AATK: variants seen among roughly 807,000 people sequenced by gnomAD.
AATK encodes lemur tail kinase 1, also known as serine/threonine-protein kinase LMTK1.
AATK carries 91 observed loss-of-function variants against 114.3 expected under a neutral mutation model. The observed-to-expected ratio is 0.80, with a 90% CI of 0.67 to 0.95. AATK has a LOEUF of 0.95. Ranked by LOEUF, AATK falls within the 40% of genes least tolerant of loss-of-function variation. The pLI is 0.00. For synonymous variants in AATK, 1,075 were observed against 916.5 expected (o/e 1.17, Z -3.12); for missense variants, 2,176 against 1,965.2 (o/e 1.11, Z -2.03).
rs2060716528 is a variant in AATK at position 81,122,827 on chromosome 17, CGAG to C, written c.1113-7_1113-5del. On this transcript the variant is annotated splice_polypyrimidine_tract_variant and splice_region_variant and intron_variant, in intron 10 of 13. Coordinates refer to ENST00000326724, the MANE Select transcript of AATK (RefSeq NM_001080395.3). ...GCAGAACTGCATCACCTCGTACCTG[CGAG>C]GAGGTCCCCCGGGGGCCACGTCAGA... 1 of 1,519,464 alleles carries C rather than the reference CGAG, an allele frequency of 6.6e-7. No homozygotes were observed. Among genetic ancestry groups the C allele is most frequent in the Non-Finnish European group, 8.9e-7 (1 of 1,129,394 alleles). 94.1% of individuals were successfully genotyped at this position (1,519,464 alleles called of 1,614,324 possible).
intron 2 of AATK, chr17:81,132,756 TC>T: frequency 4.2e-6 from 1 of 236,094 alleles, no homozygotes; most frequent in Non-Finnish European, 9.0e-6. Context: ...TCAGCACAGC[TC>T]CCCACCAGGG....
intron 13 of AATK, among the ~76,000 whole-genome samples, chr17:81,118,648 C>G (rs951999431): frequency 6.6e-6 from 1 of 152,238 alleles, no homozygotes; most frequent in African/African-American, 2.4e-5. Flanking sequence ...GCAAATGCCT[C>G]CGAGTCCTGT....
chr17:81,134,560 C>T, intron 1 of AATK, 59 bp from the exon 2 acceptor site: 2 of 1,568,818 alleles, frequency 1.3e-6, no homozygotes, highest in South Asian at 2.3e-5. Flanking sequence ...GGCCCCTGCC[C>T]CTGCTCTGGG....
chr17:81,123,072 A>AGAGGGGAGGGGAGACCAGG, intron 10 of AATK, 122 bp downstream of exon 10: 1 of 1,161,530 alleles, frequency 8.6e-7, no homozygotes, highest in African/African-American at 1.6e-5. Flanking sequence ...AGGCCCTACC[A>AGAGGGGAGGGGAGACCAGG]GAGGGGAGGG....
At chr17:81,150,729 G>A (rs2061284054) in intron 1 of AATK, among the ~76,000 whole-genome samples, 1 of 152,170 alleles carries the variant, frequency 6.6e-6, no homozygotes, top group Non-Finnish European at 1.5e-5. Flanking sequence ...GCGGGCTCTG[G>A]CCCCTAAGGC....
At chr17:81,130,977 T>A in intron 3 of AATK, 84 bp downstream of exon 3, 2 of 1,471,208 alleles carry the variant, frequency 1.4e-6, no homozygotes, top group Non-Finnish European at 1.8e-6. Flanking sequence ...CAGAGCTGAG[T>A]CTTCCGGTCT....
At chr17:81,146,094 C>T (rs1366901653) in intron 1 of AATK, among the ~76,000 whole-genome samples, 1 of 150,550 alleles carries the variant, frequency 6.6e-6, no homozygotes, top group Non-Finnish European at 1.5e-5. Context: ...GAGGCTGAGG[C>T]AGGAGAATGA....
chr17:81,157,843 G>A (rs992993350), intron 1 of AATK, among the ~76,000 whole-genome samples: 1 of 152,158 alleles, frequency 6.6e-6, no homozygotes, highest in Non-Finnish European at 1.5e-5. Flanking sequence ...CTTCGCTCCT[G>A]GCCTGTCTCT....
intron 1 of AATK, among the ~76,000 whole-genome samples, chr17:81,160,650 GTGCCACCA>G: frequency 6.6e-6 from 1 of 151,640 alleles, no homozygotes; most frequent in East Asian, 1.9e-4. Flanking sequence ...CCCTGGATCT[GTGCCACCA>G]GGGACAGGAC....
chr17:81,125,252 G>A lies in AATK; in HGVS notation c.756-238C>T, dbSNP rs368142846. 5.9e-5 allele frequency: 43 copies of A among 729,168 alleles called. No homozygotes were observed. The Middle Eastern group carries it at 7.3e-4, about 12-fold the overall frequency. The allele number at this position is 729,168 out of a possible 1,614,324, so 45.2% of individuals were successfully genotyped here. On this transcript the variant is annotated intron_variant, in intron 7 of 13. Transcript: ENST00000326724. ...CCTGAGACCTGGGGAGGGACTGTGT[G>A]CGTGGGCCTCAAATGTTACAGTGCA...
At position 81,118,421 on chromosome 17, in the gene AATK, C is replaced by T; in HGVS notation, c.4106G>A (p.Gly1369Asp). 1.2e-6 allele frequency: 2 copies of T among 1,608,738 alleles called. No homozygotes were observed. Among genetic ancestry groups the T allele is most frequent in the South Asian group, 2.2e-5 (2 of 90,000 alleles). ...CAGGTCTCAAGCCTCTTTACTCTCA[C>T]CCCCGGCACCAGCTTCAGGTCCTGG... is the stretch of plus-strand genomic sequence containing the variant. ...SKRGPEAGAG[G>D]ESKEA Residue 1369 changes from glycine to aspartate, a missense_variant, in exon 14 of 14, where the codon GGT becomes GAT. By Grantham distance (94) the Gly-to-Asp change is moderately conservative. Around this residue, in one of 4 missense-constraint regions of AATK, gnomAD observed 1,701 missense variants for 1,394.7 expected, o/e 1.22. Transcript: ENST00000326724.
intron 4 of AATK, among the ~76,000 whole-genome samples, 188 bp from the exon 5 acceptor site, chr17:81,128,098 A>T (rs999698240): frequency 5.9e-5 from 9 of 152,010 alleles, no homozygotes; most frequent in Admixed American, 5.2e-4. Context: ...TGGCTGTAAT[A>T]TTCTGAGTCT....
In AATK at chr17:81,121,621, C is replaced by T; in HGVS notation, c.2315G>A (p.Gly772Glu). Residue 772 changes from glycine to glutamate, a missense_variant, in exon 11 of 14, where the codon GGG becomes GAG. Physicochemically the swap from Gly to Glu is moderately conservative, Grantham distance 98 (BLOSUM62 -2). This residue lies in a region of AATK where 1,701 missense variants were observed against 1,394.7 expected (regional missense o/e 1.22). Transcript: ENST00000326724. Reference protein sequence around the residue: ...TPSWTETASSGGDHPQAEPKL... With the variant: ...TPSWTETASSEGDHPQAEPKL... The stretch of plus-strand genomic sequence containing the variant: ...GGGCTCTGCCTGCGGGTGGTCACCC[C>T]CACTACTGGCTGTCTCTGTCCAGGA... The T allele has an allele frequency of 6.7e-7, 1 of 1,493,416 alleles. No individual in the cohort carries two copies. The allele number at this position is 1,493,416 out of a possible 1,614,324, so 92.5% of individuals were successfully genotyped here.
intron 1 of AATK, among the ~76,000 whole-genome samples, chr17:81,153,276 A>C (rs970106590): frequency 6.6e-6 from 1 of 152,232 alleles, no homozygotes; most frequent in African/African-American, 2.4e-5. Flanking sequence ...TTATTTGAAG[A>C]TGTGGTGGAC....
intron 1 of AATK, among the ~76,000 whole-genome samples, chr17:81,164,714 GCCT>G: frequency 6.6e-6 from 1 of 152,322 alleles, no homozygotes; most frequent in East Asian, 1.9e-4. Context: ...CCTGCCCCAA[GCCT>G]CCTCCACCCC....
chr17:81,119,641 T>TCCCACAGTCACGGGCCCAGGCCCCGCC lies in AATK; in HGVS notation c.3884-88_3884-62dup, dbSNP rs1272652290. On this transcript the variant is annotated intron_variant, in intron 12 of 13. Transcript: ENST00000326724. ...GCCTGGGACCCCGGCCCGGCCCCGC[T>TCCCACAGTCACGGGCCCAGGCCCCGCC]CCCACAGTCACGGGCCCAGGCCCCG... The TCCCACAGTCACGGGCCCAGGCCCCGCC allele has an allele frequency of 6.9e-6, 9 of 1,295,856 alleles. No homozygotes were observed. In the African/African-American group the frequency reaches 1.5e-4, roughly 21 times the overall value. 80.3% of individuals were successfully genotyped at this position (1,295,856 alleles called of 1,614,324 possible).
Position 81,120,193 on chromosome 17 carries a change from C to G in AATK, c.3735+8G>C. The G allele has an allele frequency of 6.4e-7, 1 of 1,557,346 alleles. No individual in the cohort carries two copies. Reference sequence around the variant, plus strand: ...GCCCCGGGCAGACCCCGGGTGGCGGCGGCCCACCTGGTCAAAGAGGTAGAC... The same window carrying G: ...GCCCCGGGCAGACCCCGGGTGGCGGGGGCCCACCTGGTCAAAGAGGTAGAC... On this transcript the variant is annotated splice_region_variant and intron_variant, in intron 11 of 13. Coordinates refer to ENST00000326724, the MANE Select transcript of AATK (RefSeq NM_001080395.3).
rs372359503 is a variant in AATK, at chr17:81,121,977, C to T, written c.1959G>A (p.Ala653=). 97 of 1,599,844 alleles carry T rather than the reference C, an allele frequency of 6.1e-5. No individual in the cohort carries two copies. Among genetic ancestry groups the T allele is most frequent in the Non-Finnish European group, 7.6e-5 (90 of 1,177,346 alleles). ...LGTSPLGSSG[A]PPLPLTGEDE... is the part of the protein sequence containing the mutation. ...CCTCGCCAGTCAGCGGCAGCGGGGG[C>T]GCCCCTGAGCTCCCCAAAGGGGACG... The change falls in exon 11 of 14, where the codon GCG becomes GCA. Residue 653 remains alanine, a synonymous_variant. Coordinates refer to ENST00000326724, the MANE Select transcript of AATK (RefSeq NM_001080395.3).
chr17:81,165,950 G>C lies in AATK; in HGVS notation c.43C>G (p.His15Asp). 1.3e-6 allele frequency: 2 copies of C among 1,583,928 alleles called. No homozygotes were observed. Among genetic ancestry groups the C allele is most frequent in the African/African-American group, 1.4e-5 (1 of 74,016 alleles). ...FFNPSFAFSS[H>D]FDPDGAPLSE... is the part of the protein sequence containing the mutation. ...GCCAGGGACTCACCGGGGTCGAAGT[G>C]CGAGCTGAAGGCGAAGCTGGGGTTG... Residue 15 changes from histidine (H) to aspartate (D), a missense_variant, in exon 1 of 14, where the codon CAC becomes GAC. By Grantham distance (81) the His-to-Asp change is moderately conservative. Transcript: ENST00000326724.
Sources: allele counts gnomAD v4.1 joint callset (sites outside exome capture counted in the v4.1 genomes callset), GRCh38; gene constraint gnomAD v4.1.1; regional missense constraint gnomAD v4.1.1; transcripts MANE v1.5; gene names NCBI Gene and HGNC (gene_info 2026-07-23, HGNC 2026-07-21).